SRPX2: variants seen among roughly 807,000 people sequenced by gnomAD.
SRPX2 encodes sushi repeat-containing protein SRPX2.
A neutral mutation model predicts 45.3 loss-of-function variants in SRPX2; 26 were observed. The ratio of observed to expected loss-of-function variants is 0.57; its 90% CI spans 0.42 to 0.80. The LOEUF (loss-of-function observed/expected upper bound fraction) is 0.80. Among genes scored for constraint, SRPX2 ranks in the 30% least tolerant of loss-of-function variants. The pLI, the probability that SRPX2 is intolerant of heterozygous loss-of-function variation, is 0.00. For missense variants in SRPX2, 355 were observed against 399.8 expected, an observed-to-expected ratio of 0.89 and a Z score of 0.95; for synonymous variants, 125 against 143.7, an observed-to-expected ratio of 0.87 and a Z score of 0.93.
chrX:100,670,694 G>A (rs2083221387), intron 10 of SRPX2, 113 bp from the exon 11 acceptor site: 4 of 802,079 alleles, frequency 5.0e-6, no homozygotes, highest in Admixed American at 4.6e-5. Flanking sequence ...CCAGGGATGA[G>A]GTGGGGAAGG....
At chrX:100,644,693 G>A (rs1396100038) in intron 1 of SRPX2, among the ~76,000 whole-genome samples, 178 bp downstream of exon 1, 1 of 111,065 alleles carries the variant, frequency 9.0e-6, no homozygotes, top group Non-Finnish European at 1.9e-5. Flanking sequence ...GCAAACACAT[G>A]TTCCCAGCAA....
intron 3 of SRPX2, among the ~76,000 whole-genome samples, chrX:100,654,358 G>A (rs1230525960): frequency 6.3e-5 from 7 of 111,165 alleles, no homozygotes; most frequent in Non-Finnish European, 1.1e-4. Context: ...AGCCTCCCAG[G>A]TAAAGTCTTT....
In SRPX2 at chrX:100,665,272, C is replaced by G; in HGVS notation, c.562C>G (p.His188Asp). The change falls in exon 6 of 11, where the codon CAC becomes GAC. Residue 188 changes from histidine to aspartate, a missense_variant. By Grantham distance (81) the His-to-Asp change is moderately conservative (BLOSUM62 -1). Coordinates refer to ENST00000373004, the MANE Select transcript of SRPX2 (RefSeq NM_014467.3). ...DIDPPKIRCP[H>D]SREKMAEPEK... ...AGATCCCCCCAAGATCCGCTGTCCC[C>G]ACTCACGTGAGAAGATGGCAGAGCC... 1 of 1,210,396 alleles carries G rather than the reference C, an allele frequency of 8.3e-7. No homozygotes were observed. Among genetic ancestry groups the G allele is most frequent in the Non-Finnish European group, 1.1e-6 (1 of 894,843 alleles).
chrX:100,665,670 T>A lies in SRPX2; in HGVS notation c.781+13T>A. On this transcript the variant is annotated intron_variant, in intron 7 of 10. Transcript: ENST00000373004. ...GTGAAAGTACAAGGTCAGAAAGAAT[T>A]ATTTAGTTTCCATATTGTTCATTAA... The A allele has an allele frequency of 8.3e-7, 1 of 1,211,511 alleles. No homozygotes were observed. Among genetic ancestry groups the A allele is most frequent in the Admixed American group, 2.2e-5 (1 of 46,039 alleles).
At position 100,672,589 on chromosome X, in the gene SRPX2, C is replaced by A. The variant is rs2083231736; in HGVS notation, c.*1602C>A. 1 of 112,233 alleles carries A rather than the reference C, an allele frequency of 8.9e-6. No homozygotes were observed. Among genetic ancestry groups the A allele is most frequent in the Non-Finnish European group, 1.9e-5 (1 of 53,288 alleles). 9.2% of individuals were successfully genotyped at this position (112,233 alleles called of 1,213,427 possible). A position where few individuals can be genotyped will look rare whatever the true frequency, so the allele number is the denominator to read the frequency against. On this transcript the variant is annotated 3_prime_UTR_variant, in exon 11 of 11. Transcript: ENST00000373004. ...AAGTGGCAGAGTCAGGATTTCAACA[C>A]CAGCAGCCTGGCTCTAGAGGCAATG...
At chrX:100,645,764 C>T (rs1378574645) in intron 1 of SRPX2, among the ~76,000 whole-genome samples, 2 of 112,361 alleles carry the variant, frequency 1.8e-5, no homozygotes, top group African/African-American at 6.5e-5. Context: ...TTGTCCAAGA[C>T]CCTATAGCTA....
intron 2 of SRPX2, chrX:100,649,119 G>A (rs185684018): frequency 1.8e-5 from 2 of 112,506 alleles, no homozygotes; most frequent in East Asian, 5.6e-4. Flanking sequence ...TGTCGTAGTT[G>A]TTCTTGTTGT....
At position 100,673,222 on chromosome X, in the gene SRPX2, G is replaced by A. The variant is rs2083236343; in HGVS notation, c.*2235G>A. 8.9e-6 allele frequency: 1 copy of A among 112,405 alleles called. No individual in the cohort carries two copies. Among genetic ancestry groups the A allele is most frequent in the Non-Finnish European group, 1.9e-5 (1 of 53,300 alleles). 9.3% of individuals were successfully genotyped at this position (112,405 alleles called of 1,213,427 possible). The stretch of plus-strand genomic sequence containing the variant: ...TACTAGCAGGTCAAAGGCCCAAACA[G>A]CGGAGGCCTACTACCTCCTGAACAG... On this transcript the variant is annotated 3_prime_UTR_variant, in exon 11 of 11. Transcript: ENST00000373004.
intron 3 of SRPX2, among the ~76,000 whole-genome samples, chrX:100,651,829 C>CCAAAT (rs1444333696): frequency 9.3e-6 from 1 of 107,542 alleles, no homozygotes; most frequent in Non-Finnish European, 1.9e-5. Flanking sequence ...AAGAGTGAGA[C>CCAAAT]CAAATTAGGA....
intron 7 of SRPX2, 144 bp downstream of exon 7, chrX:100,665,801 A>AAATAAGCCTG: frequency 1.1e-6 from 1 of 920,315 alleles, no homozygotes; most frequent in Non-Finnish European, 1.6e-6. Flanking sequence ...AAACAGGCTT[A>AAATAAGCCTG]TTTAGGAAGC....
intron 2 of SRPX2, chrX:100,649,273 T>C (rs777981870): frequency 9.1e-6 from 1 of 110,427 alleles, no homozygotes; most frequent in African/African-American, 3.3e-5. Context: ...CTTTAGGGAA[T>C]CACCCACATC....
At chrX:100,661,524 C>T (rs1452213704) in intron 3 of SRPX2, among the ~76,000 whole-genome samples, 1 of 112,482 alleles carries the variant, frequency 8.9e-6, no homozygotes, top group Non-Finnish European at 1.9e-5. Flanking sequence ...GTAATCGCAG[C>T]ACTTTGGAAG....
chrX:100,666,977 G>A, intron 8 of SRPX2, 44 bp downstream of exon 8: 1 of 1,185,061 alleles, frequency 8.4e-7, no homozygotes, highest in Non-Finnish European at 1.1e-6. Flanking sequence ...TGGTGATCAG[G>A]GGAACTTTGG....
intron 1 of SRPX2, among the ~76,000 whole-genome samples, chrX:100,644,790 C>T (rs998575954): frequency 4.5e-5 from 5 of 110,971 alleles, no homozygotes; most frequent in African/African-American, 6.6e-5. Context: ...TGGGCAGGTA[C>T]GAGGTCACAG....
chrX:100,672,650 C>CT lies in SRPX2; in HGVS notation c.*1667dup, dbSNP rs953917338. On this transcript the variant is annotated 3_prime_UTR_variant, in exon 11 of 11. Coordinates refer to ENST00000373004, the MANE Select transcript of SRPX2 (RefSeq NM_014467.3). ...ACATTATGCCATCCTGACGCTACTT[C>CT]TTTTCCTACTTTCCATTTAAAGACA... 8.9e-6 allele frequency: 1 copy of CT among 112,063 alleles called. No individual in the cohort carries two copies. Among genetic ancestry groups the CT allele is most frequent in the African/African-American group, 3.2e-5 (1 of 30,812 alleles). 9.2% of individuals were successfully genotyped at this position (112,063 alleles called of 1,213,427 possible).
At chrX:100,651,925 A>G (rs184919600) in intron 3 of SRPX2, among the ~76,000 whole-genome samples, 4 of 112,144 alleles carry the variant, frequency 3.6e-5, no homozygotes, top group African/African-American at 1.3e-4. Context: ...TTCCTGCATT[A>G]AAAGGGAAGT....
chrX:100,658,929 G>A (rs1407602365), intron 3 of SRPX2, among the ~76,000 whole-genome samples: 1 of 111,580 alleles, frequency 9.0e-6, no homozygotes, highest in Non-Finnish European at 1.9e-5. Context: ...CATTCTTTGG[G>A]TACAGTTGCT....
rs1477525375 is a variant in SRPX2 at position 100,675,718 on chromosome X, T to C, written c.*4731T>C. On this transcript the variant is annotated 3_prime_UTR_variant, in exon 11 of 11. Coordinates refer to ENST00000373004, the MANE Select transcript of SRPX2 (RefSeq NM_014467.3). ...AAAAAGTTGTTTTAAAAGCTGTTTT[T>C]AAGTTAAGTGAACCTTATAAAGACA... The C allele has an allele frequency of 2.6e-5, 5 of 195,459 alleles. No homozygotes were observed. Among genetic ancestry groups the C allele is most frequent in the Non-Finnish European group, 4.7e-5 (5 of 107,369 alleles). 16.1% of individuals were successfully genotyped at this position (195,459 alleles called of 1,213,427 possible). A position where few individuals can be genotyped will look rare whatever the true frequency, so the allele number is the denominator to read the frequency against.
intron 9 of SRPX2, 71 bp from the exon 10 acceptor site, chrX:100,669,177 A>G (rs1222251717): frequency 5.2e-5 from 62 of 1,194,421 alleles, no homozygotes. Context: ...TGGTCCCAGG[A>G]GGAATCAGCC....
Sources: gnomAD v4.1 joint callset for allele counts (sites outside exome capture counted in the v4.1 genomes callset) on GRCh38, gnomAD v4.1.1 for gene constraint, MANE v1.5 for transcripts, NCBI Gene and HGNC (gene_info 2026-07-23, HGNC 2026-07-21) for gene names.